The following PTPRT variants were observed in gnomAD, a reference collection of about 807,000 sequenced individuals.
PTPRT encodes the protein protein tyrosine phosphatase receptor type T, also known as receptor-type tyrosine-protein phosphatase T.
PTPRT carries 56 observed loss-of-function variants against 176.8 expected under a neutral mutation model. The observed-to-expected ratio is 0.32, with a 90% CI of 0.26 to 0.40. The LOEUF (loss-of-function observed/expected upper bound fraction) is 0.40, where lower values mean the gene tolerates loss of function less well. Among genes scored for constraint, PTPRT ranks in the 10% least tolerant of loss-of-function variants. The pLI, the probability that PTPRT is intolerant of heterozygous loss-of-function variation, is 1.00. For synonymous variants in PTPRT, 783 were observed against 739.0 expected, an observed-to-expected ratio of 1.06 and a Z score of -0.96; for missense variants, 1,540 against 1,908.2, an observed-to-expected ratio of 0.81 and a Z score of 3.60.
chr20:42,400,039 T>G (rs1333520573), intron 9 of PTPRT, among the ~76,000 whole-genome samples: 1 of 152,198 alleles, frequency 6.6e-6, no homozygotes, highest in Non-Finnish European at 1.5e-5. Flanking sequence ...CACTTTGAAA[T>G]GCACTCATCA....
intron 6 of PTPRT, among the ~76,000 whole-genome samples, chr20:42,718,029 T>C (rs2076251412): frequency 6.6e-6 from 1 of 152,272 alleles, no homozygotes; most frequent in Non-Finnish European, 1.5e-5. Context: ...TCTGTCATAT[T>C]AGAAAGCTAT....
intron 9 of PTPRT, among the ~76,000 whole-genome samples, chr20:42,416,569 T>G (rs2059068157): frequency 6.6e-6 from 1 of 152,184 alleles, no homozygotes; most frequent in African/African-American, 2.4e-5. Context: ...GCCCCTAAGT[T>G]AAATAGAAGA....
At chr20:42,288,539 C>T (rs911506909) in intron 12 of PTPRT, among the ~76,000 whole-genome samples, 1 of 151,900 alleles carries the variant, frequency 6.6e-6, no homozygotes, top group African/African-American at 2.4e-5. Context: ...TGTGGAGTCC[C>T]CAATGTCTAT....
At chr20:42,686,874 A>C (rs2075705369) in intron 6 of PTPRT, among the ~76,000 whole-genome samples, 1 of 152,040 alleles carries the variant, frequency 6.6e-6, no homozygotes, top group African/African-American at 2.4e-5. Flanking sequence ...AACTTAGATA[A>C]ACTATTCGCA....
At chr20:42,768,149 A>G (rs527561990) in intron 5 of PTPRT, among the ~76,000 whole-genome samples, 21 of 152,104 alleles carry the variant, frequency 1.4e-4, no homozygotes, top group Middle Eastern at 6.8e-3. Context: ...GTACCTCCCA[A>G]TATTTTCTGA....
At chr20:42,339,904 CTCTG>C (rs1463006635) in intron 11 of PTPRT, among the ~76,000 whole-genome samples, 1 of 152,142 alleles carries the variant, frequency 6.6e-6, no homozygotes, top group African/African-American at 2.4e-5. Context: ...GGACCTATAC[CTCTG>C]TCTAAGTCTT....
intron 1 of PTPRT, among the ~76,000 whole-genome samples, chr20:43,018,499 T>A (rs1325839405): frequency 6.6e-6 from 1 of 152,236 alleles, no homozygotes; most frequent in East Asian, 1.9e-4. Flanking sequence ...AAAGGTTGAC[T>A]GATTGCATTT....
intron 22 of PTPRT, among the ~76,000 whole-genome samples, chr20:42,111,820 T>C (rs1987013454): frequency 6.6e-6 from 1 of 152,172 alleles, no homozygotes; most frequent in Non-Finnish European, 1.5e-5. Context: ...GCACTCTTAA[T>C]CATTCTAATA....
At chr20:42,664,359 G>C (rs2075277216) in intron 7 of PTPRT, among the ~76,000 whole-genome samples, 1 of 152,084 alleles carries the variant, frequency 6.6e-6, no homozygotes, top group African/African-American at 2.4e-5. Context: ...ACATGGCATA[G>C]AAGATTTTTC....
intron 7 of PTPRT, among the ~76,000 whole-genome samples, chr20:42,673,962 C>G (rs910855067): frequency 2.0e-5 from 3 of 152,136 alleles, no homozygotes; most frequent in Non-Finnish European, 1.5e-5. Flanking sequence ...TTGTTGGAAT[C>G]CTAACCCAGC....
intron 2 of PTPRT, among the ~76,000 whole-genome samples, chr20:42,806,461 C>A (rs1476674402): frequency 7.4e-6 from 1 of 135,786 alleles, no homozygotes; most frequent in Non-Finnish European, 1.5e-5. Flanking sequence ...TCCAGCCTGG[C>A]GACAGAGCAA....
At chr20:42,981,624 C>G (rs1291910011) in intron 1 of PTPRT, among the ~76,000 whole-genome samples, 2 of 152,276 alleles carry the variant, frequency 1.3e-5, no homozygotes, top group East Asian at 3.9e-4. Context: ...CAGAGGGCAG[C>G]CTGCTGAACT....
intron 9 of PTPRT, among the ~76,000 whole-genome samples, chr20:42,427,541 G>C (rs2059176470): frequency 6.6e-6 from 1 of 152,072 alleles, no homozygotes; most frequent in African/African-American, 2.4e-5. Flanking sequence ...GTGGCAGAAG[G>C]GGTGAACAAG....
chr20:42,181,809 A>G (rs1199252194), intron 16 of PTPRT, among the ~76,000 whole-genome samples: 1 of 152,214 alleles, frequency 6.6e-6, no homozygotes, highest in African/African-American at 2.4e-5. Context: ...TGAAGATGAC[A>G]GACATTAGCC....
chr20:42,469,319 T>C (rs1376498803), intron 8 of PTPRT, among the ~76,000 whole-genome samples: 1 of 152,166 alleles, frequency 6.6e-6, no homozygotes, highest in East Asian at 1.9e-4. Context: ...TTCTCCTGCC[T>C]CAGCCTTCTG....
the PTPRT span, among the ~76,000 whole-genome samples, chr20:42,038,221 AT>A: frequency 3.9e-5 from 6 of 152,196 alleles, no homozygotes; most frequent in Non-Finnish European, 7.3e-5. Context: ...GAAGGTAGAC[AT>A]TATTTTATAA....
intron 2 of PTPRT, among the ~76,000 whole-genome samples, chr20:42,874,989 C>T (rs943586238): frequency 5.9e-5 from 9 of 152,122 alleles, no homozygotes; most frequent in African/African-American, 2.2e-4. Context: ...CCCAGACAAC[C>T]CCTTTATTCT....
At chr20:42,393,585 T>C (rs74397646) in intron 9 of PTPRT, among the ~76,000 whole-genome samples, 10,368 of 152,206 alleles carry the variant, frequency 0.068, 441 homozygotes, top group African/African-American at 0.12. Flanking sequence ...AACACACAAG[T>C]TGGAATCTGA....
At chr20:42,993,510 GTGTGTGTATATATATACACATA>G (rs1600631011) in intron 1 of PTPRT, among the ~76,000 whole-genome samples, 1 of 84,684 alleles carries the variant, frequency 1.2e-5, no homozygotes, top group Admixed American at 1.1e-4. Flanking sequence ...ACACATATAT[GTGTGTGTATATATATACACATA>G]TATGTGTGTG....
Sources: allele counts gnomAD v4.1 joint callset (sites outside exome capture counted in the v4.1 genomes callset), GRCh38; gene constraint gnomAD v4.1.1; transcripts MANE v1.5; gene names NCBI Gene and HGNC (gene_info 2026-07-23, HGNC 2026-07-21).